The following C18orf54 variants were observed in gnomAD, a reference collection of about 807,000 sequenced individuals.
C18orf54 encodes the protein lung adenoma susceptibility protein 2.
A neutral mutation model predicts 49.3 loss-of-function variants in C18orf54; 49 were observed. The observed-to-expected ratio is 0.99, with a 90% CI of 0.79 to 1.26. The LOEUF is 1.26. Among genes scored for constraint, C18orf54 ranks in the 50% most tolerant of loss-of-function variants. The probability of loss-of-function intolerance (pLI) is 0.00; values close to 1 mark genes in which losing one functional copy is unlikely to be tolerated. For missense variants in C18orf54, 687 were observed against 620.6 expected, an observed-to-expected ratio of 1.11 and a Z score of -1.14; for synonymous variants, 211 against 216.6, an observed-to-expected ratio of 0.97 and a Z score of 0.23.
chr18:54,379,193 A>C lies in C18orf54; in HGVS notation c.*947A>C, dbSNP rs923827323. ...AACTGAACAAAGCTCTATAATTTTT[A>C]CCAAGCACTTATTATTAATACTTCT... On this transcript the variant is annotated 3_prime_UTR_variant, in exon 9 of 9. Transcript: ENST00000620105. The C allele has an allele frequency of 6.6e-6, 1 of 152,080 alleles. No individual in the cohort carries two copies. The highest frequency in any genetic ancestry group is 1.5e-5 in the Non-Finnish European group (1 of 67,942). 9.4% of individuals were successfully genotyped at this position (152,080 alleles called of 1,614,324 possible).
At chr18:54,372,817 T>C (rs2089512468) in intron 7 of C18orf54, among the ~76,000 whole-genome samples, 2 of 151,890 alleles carry the variant, frequency 1.3e-5, no homozygotes, top group Admixed American at 6.6e-5. Flanking sequence ...TGTTCTATTA[T>C]GGTTATAAAT....
At chr18:54,378,091 CTTTA>C (rs35286005) in intron 8 of C18orf54, 79 bp from the exon 9 acceptor site, 20 of 914,172 alleles carry the variant, frequency 2.2e-5, no homozygotes, top group Non-Finnish European at 3.2e-5. Flanking sequence ...TAATAGTCAA[CTTTA>C]TTTATTTTTT....
At position 54,374,165 on chromosome 18, in the gene C18orf54, T is replaced by C. The variant is rs768265078; in HGVS notation, c.1459-49T>C. 6 of 1,326,654 alleles carry C rather than the reference T, an allele frequency of 4.5e-6. No homozygotes were observed. In the African/African-American group the frequency reaches 7.6e-5, roughly 17 times the overall value. The allele number at this position is 1,326,654 out of a possible 1,614,324, so 82.2% of individuals were successfully genotyped here. On this transcript the variant is annotated intron_variant, in intron 7 of 8. Coordinates refer to ENST00000620105, the MANE Select transcript of C18orf54 (RefSeq NM_001288980.2). ...ACATTTTCAATACCATTTAATTTTG[T>C]AGTTATATAATTTTAATATTTTGTT...
At chr18:54,373,598 C>CT (rs1453130237) in intron 7 of C18orf54, among the ~76,000 whole-genome samples, 1 of 151,882 alleles carries the variant, frequency 6.6e-6, no homozygotes, top group African/African-American at 2.4e-5. Flanking sequence ...TATTCAGTGT[C>CT]TGTCTTTCTG....
Position 54,375,413 on chromosome 18 carries a change from A to G in C18orf54, c.1529+1129A>G, listed in dbSNP as rs561995038. Among the ~76,000 whole-genome samples the G allele has an allele frequency of 2.7e-5, 4 of 150,208 alleles. No homozygotes were observed. In the South Asian group the frequency reaches 8.5e-4, roughly 32 times the overall value. On this transcript the variant is annotated intron_variant, in intron 8 of 8. Coordinates refer to ENST00000620105, the MANE Select transcript of C18orf54 (RefSeq NM_001288980.2). ...ATTTTTAACACTACTCTCACTAATG[A>G]TAGTGATGAATTATTCATTGAGACT...
At chr18:54,376,963 C>T (rs2089584582) in intron 8 of C18orf54, among the ~76,000 whole-genome samples, 1 of 151,730 alleles carries the variant, frequency 6.6e-6, no homozygotes, top group Non-Finnish European at 1.5e-5. Flanking sequence ...CATTACCTTT[C>T]TGCTCACCAT....
chr18:54,377,388 G>A (rs1204969149), intron 8 of C18orf54, among the ~76,000 whole-genome samples: 2 of 151,566 alleles, frequency 1.3e-5, no homozygotes, highest in African/African-American at 4.8e-5. Flanking sequence ...TTGTCACTCT[G>A]TTTTTCCTTA....
intron 1 of C18orf54, 116 bp downstream of exon 1, chr18:54,358,191 G>A (rs1050103883): frequency 1.3e-5 from 2 of 152,814 alleles, no homozygotes; most frequent in Non-Finnish European, 2.9e-5. Flanking sequence ...GCCGAGAAAA[G>A]GCGAAAGGAG....
intron 5 of C18orf54, among the ~76,000 whole-genome samples, 176 bp from the exon 6 acceptor site, chr18:54,365,543 A>G (rs1444047789): frequency 2.0e-5 from 3 of 151,984 alleles, no homozygotes; most frequent in Non-Finnish European, 4.4e-5. Context: ...GGATTCTGGT[A>G]TCAGTTTAGG....
chr18:54,378,406 A>G lies in C18orf54; in HGVS notation c.*160A>G. On this transcript the variant is annotated 3_prime_UTR_variant, in exon 9 of 9. Coordinates refer to ENST00000620105, the MANE Select transcript of C18orf54 (RefSeq NM_001288980.2). ...AAACACTAAACTTGAAAATACCCAT[A>G]GGTTTTGGGACCTATCTTTATTTTG... 2 of 569,238 alleles carry G rather than the reference A, an allele frequency of 3.5e-6. No homozygotes were observed. Among genetic ancestry groups the G allele is most frequent in the African/African-American group, 1.9e-5 (1 of 52,532 alleles). 35.3% of individuals were successfully genotyped at this position (569,238 alleles called of 1,614,324 possible). A position where few individuals can be genotyped will look rare whatever the true frequency, so the allele number is the denominator to read the frequency against.
At chr18:54,368,219 A>T (rs2089422551) in intron 6 of C18orf54, among the ~76,000 whole-genome samples, 1 of 151,320 alleles carries the variant, frequency 6.6e-6, no homozygotes, top group African/African-American at 2.4e-5. Flanking sequence ...GAGTTATTAT[A>T]TTCCTTTGGT....
intron 2 of C18orf54, among the ~76,000 whole-genome samples, chr18:54,359,943 GA>G (rs2089229176): frequency 6.6e-6 from 1 of 152,172 alleles, no homozygotes; most frequent in South Asian, 2.1e-4. Context: ...ACTATTTTAG[GA>G]AAAGTGTATA....
Position 54,361,802 on chromosome 18 carries a change from C to T in C18orf54, c.443C>T (p.Thr148Met), listed in dbSNP as rs758935183. 26 of 1,613,816 alleles carry T rather than the reference C, an allele frequency of 1.6e-5. No individual in the cohort carries two copies. Among genetic ancestry groups the T allele is most frequent in the East Asian group, 4.5e-5 (2 of 44,872 alleles). ...ACTTATGTTGGACCGAGTCACCGAA[C>T]GAGCAAGAAAAACAAGAAATGCCGT... is the stretch of plus-strand genomic sequence containing the variant. ...SYTYVGPSHR[T>M]SKKNKKCRGR... is the part of the protein sequence containing the mutation. The change falls in exon 4 of 9, where the codon ACG becomes ATG. Residue 148 changes from threonine (T) to methionine (M), a missense_variant. Physicochemically the swap from Thr to Met is moderately conservative, Grantham distance 81 (BLOSUM62 -1). Transcript: ENST00000620105.
At chr18:54,371,938 C>T (rs2089492116) in intron 6 of C18orf54, among the ~76,000 whole-genome samples, 1 of 152,006 alleles carries the variant, frequency 6.6e-6, no homozygotes, top group South Asian at 2.1e-4. Context: ...TTAAGTACTG[C>T]TGCGTTCTTT....
chr18:54,362,074 A>G lies in C18orf54; in HGVS notation c.715A>G (p.Arg239Gly). The change falls in exon 4 of 9, where the codon AGA (arginine) becomes GGA (glycine). Residue 239 changes from arginine (R) to glycine (G), a missense_variant. Physicochemically the swap from Arg to Gly is moderately radical, Grantham distance 125. Transcript: ENST00000620105. Reference sequence around the variant, plus strand: ...ACACAGTCTTGAAAAGAATTACCCAAGATGGCTCACTAGCCAGAAATCTGA... The same window carrying G: ...ACACAGTCTTGAAAAGAATTACCCAGGATGGCTCACTAGCCAGAAATCTGA... ...SEHSLEKNYP[R>G]WLTSQKSDLN... 3 of 1,546,588 alleles carry G rather than the reference A, an allele frequency of 1.9e-6. No individual in the cohort carries two copies. The highest frequency in any genetic ancestry group is 1.7e-4 in the Middle Eastern group (1 of 6,002).
At chr18:54,359,691 C>T (rs1188442865) in intron 2 of C18orf54, among the ~76,000 whole-genome samples, 1 of 152,146 alleles carries the variant, frequency 6.6e-6, no homozygotes, top group Non-Finnish European at 1.5e-5. Flanking sequence ...AAAAGAATGT[C>T]ATCATGGACT....
intron 8 of C18orf54, among the ~76,000 whole-genome samples, chr18:54,374,869 A>G (rs1376692523): frequency 6.6e-6 from 1 of 151,962 alleles, no homozygotes; most frequent in Admixed American, 6.5e-5. Flanking sequence ...AACTTAGGAA[A>G]TACTGAGATT....
In C18orf54 at chr18:54,360,546, A is replaced by C; in HGVS notation, c.-27A>C. 1 of 1,608,278 alleles carries C rather than the reference A, an allele frequency of 6.2e-7. No individual in the cohort carries two copies. Among genetic ancestry groups the C allele is most frequent in the South Asian group, 1.1e-5 (1 of 90,632 alleles). On this transcript the variant is annotated 5_prime_UTR_variant, in exon 3 of 9. Coordinates refer to ENST00000620105, the MANE Select transcript of C18orf54 (RefSeq NM_001288980.2). Reference sequence around the variant, plus strand: ...TTACAGTTGTTTTTAAGGGAAATGAATAGAAACAATCCACTTTGAAGAAGC... The same window carrying C: ...TTACAGTTGTTTTTAAGGGAAATGACTAGAAACAATCCACTTTGAAGAAGC...
At chr18:54,374,723 T>C (rs1190339420) in intron 8 of C18orf54, among the ~76,000 whole-genome samples, 4 of 151,898 alleles carry the variant, frequency 2.6e-5, no homozygotes, top group Non-Finnish European at 3.0e-5. Flanking sequence ...CTAATTTTCT[T>C]AGTTACAGTG....
Sources: gnomAD v4.1 joint callset for allele counts (sites outside exome capture counted in the v4.1 genomes callset) on GRCh38, gnomAD v4.1.1 for gene constraint, MANE v1.5 for transcripts, NCBI Gene and HGNC (gene_info 2026-07-23, HGNC 2026-07-21) for gene names.